CHRNA7: variants seen among roughly 807,000 people sequenced by gnomAD.
CHRNA7 encodes the protein neuronal acetylcholine receptor subunit alpha-7.
In CHRNA7, 17 loss-of-function variants were observed where a neutral mutation model predicts 48.0. The observed-to-expected ratio is 0.35, with a 90% confidence interval of 0.24 to 0.53. CHRNA7 has a LOEUF of 0.53. Among genes scored for constraint, CHRNA7 ranks in the 20% least tolerant of loss-of-function variants. The pLI is 0.92. For synonymous variants in CHRNA7, 75 were observed against 242.3 expected (o/e 0.31, Z 6.41); for missense variants, 155 against 577.7 (o/e 0.27, Z 7.50).
chr15:32,136,048 G>T (rs1316813074), intron 4 of CHRNA7, among the ~76,000 whole-genome samples: 1 of 152,194 alleles, frequency 6.6e-6, no homozygotes, highest in African/African-American at 2.4e-5. Flanking sequence ...AGTTTACCGT[G>T]CAGGGGCTGT....
chr15:32,127,433 G>A (rs1178835695), intron 4 of CHRNA7, among the ~76,000 whole-genome samples: 2 of 152,112 alleles, frequency 1.3e-5, no homozygotes, highest in East Asian at 1.9e-4. Flanking sequence ...AAGTGATCAA[G>A]TAATTCCGCA....
At chr15:32,099,580 T>C (rs1412882909) in intron 2 of CHRNA7, 1 of 152,226 alleles carries the variant, frequency 6.6e-6, no homozygotes, top group African/African-American at 2.4e-5. Context: ...AGCCTTTCTC[T>C]CAGCAGATGA....
chr15:32,078,531 A>G lies in CHRNA7; in HGVS notation c.196-22772A>G, dbSNP rs770555355. Among the ~76,000 whole-genome samples the G allele has an allele frequency of 5.2e-4, 79 of 152,222 alleles. 1 individual carries two copies. The highest frequency in any genetic ancestry group is 9.9e-4 in the Non-Finnish European group (67 of 68,012). On this transcript the variant is annotated intron_variant, in intron 2 of 9. Coordinates refer to ENST00000306901, the MANE Select transcript of CHRNA7 (RefSeq NM_000746.6). ...GTATTAAATTACTTTATTTAAAACT[A>G]GAAAACCTAGAAGAAATGGTTACAT...
At chr15:32,132,786 T>G (rs2051178742) in intron 4 of CHRNA7, among the ~76,000 whole-genome samples, 1 of 152,208 alleles carries the variant, frequency 6.6e-6, no homozygotes, top group Middle Eastern at 3.2e-3. Flanking sequence ...CAGCTCTTGC[T>G]TATCGTTTTT....
chr15:32,141,285 C>T (rs997179587), intron 4 of CHRNA7, among the ~76,000 whole-genome samples: 1 of 152,176 alleles, frequency 6.6e-6, no homozygotes, highest in African/African-American at 2.4e-5. Flanking sequence ...GTCTATATCT[C>T]TGTTTTGGTA....
At chr15:32,103,839 T>C (rs960107438) in intron 3 of CHRNA7, among the ~76,000 whole-genome samples, 2 of 152,212 alleles carry the variant, frequency 1.3e-5, no homozygotes, top group Non-Finnish European at 2.9e-5. Flanking sequence ...ACCAAAAACC[T>C]TGAAGTCACC....
intron 4 of CHRNA7, among the ~76,000 whole-genome samples, chr15:32,124,195 G>A (rs547983618): frequency 1.6e-4 from 24 of 152,106 alleles, no homozygotes; most frequent in African/African-American, 4.6e-4. Flanking sequence ...GAAAAGGATC[G>A]AAAAACCATG....
Position 32,108,747 on chromosome 15 carries a change from ATC to A in CHRNA7, c.241-3033_241-3032del, listed in dbSNP as rs370182023. Among the ~76,000 whole-genome samples the A allele has an allele frequency of 4.0e-3, 610 of 152,166 alleles. 1 individual carries two copies. The highest frequency in any genetic ancestry group is 0.01 in the African/African-American group (433 of 41,510). On this transcript the variant is annotated intron_variant, in intron 3 of 9. Transcript: ENST00000306901. ...CAGCAGGATTTTGTAAAATGGGGAAATCTCTCTCTCTTTTTTTAAGCCACCAT... is the reference window on the plus strand; with the variant it reads ...CAGCAGGATTTTGTAAAATGGGGAAATCTCTCTCTTTTTTTAAGCCACCAT...
chr15:32,031,952 G>T (rs1901863303), intron 2 of CHRNA7, among the ~76,000 whole-genome samples: 1 of 152,132 alleles, frequency 6.6e-6, no homozygotes, highest in Admixed American at 6.5e-5. Context: ...AGAGCATGAT[G>T]GGAAAGAGGT....
chr15:32,074,833 G>C (rs1490661973), intron 2 of CHRNA7, among the ~76,000 whole-genome samples: 1 of 151,894 alleles, frequency 6.6e-6, no homozygotes, highest in South Asian at 2.1e-4. Context: ...AGTTTCATTA[G>C]AGATGAGGTT....
intron 1 of CHRNA7, 26 bp from the exon 2 acceptor site, chr15:32,030,872 C>G (rs771083755): frequency 1.9e-6 from 3 of 1,611,002 alleles, no homozygotes; most frequent in Non-Finnish European, 2.5e-6. Context: ...GCCCTGAGCC[C>G]CCTGCCCGGG....
intron 2 of CHRNA7, among the ~76,000 whole-genome samples, chr15:32,082,248 T>C (rs2050228039): frequency 6.6e-6 from 1 of 152,176 alleles, no homozygotes; most frequent in South Asian, 2.1e-4. Context: ...CTGTGTCTTT[T>C]ATCAAATTTG....
At chr15:32,079,279 A>G (rs1374284276) in intron 2 of CHRNA7, among the ~76,000 whole-genome samples, 2 of 152,192 alleles carry the variant, frequency 1.3e-5, no homozygotes, top group Non-Finnish European at 2.9e-5. Context: ...CCCATTCAAC[A>G]TAGTATTGGA....
At chr15:32,055,721 T>C (rs1210887728) in intron 2 of CHRNA7, among the ~76,000 whole-genome samples, 1 of 152,194 alleles carries the variant, frequency 6.6e-6, no homozygotes, top group Non-Finnish European at 1.5e-5. Flanking sequence ...GGCTCATGCC[T>C]GTAATCCCAG....
At position 32,047,107 on chromosome 15, in the gene CHRNA7, T is replaced by C. The variant is rs897292294; in HGVS notation, c.195+16070T>C. Among the ~76,000 whole-genome samples, 6 of 144,922 alleles carry C rather than the reference T, an allele frequency of 4.1e-5. 1 individual carries two copies. Among genetic ancestry groups the C allele is most frequent in the Admixed American group, 3.5e-4 (5 of 14,474 alleles). On this transcript the variant is annotated intron_variant, in intron 2 of 9. Transcript: ENST00000306901. ...TATAGTTTGAAGTCAGGTAGCGTGA[T>C]GCCTCCAGCTTTGTTCTTTTGGCTT... is the stretch of plus-strand genomic sequence containing the variant.
At chr15:32,142,133 C>T (rs1481312170) in intron 4 of CHRNA7, among the ~76,000 whole-genome samples, 1 of 152,038 alleles carries the variant, frequency 6.6e-6, no homozygotes, top group Non-Finnish European at 1.5e-5. Flanking sequence ...GCATGAAGGG[C>T]TGTTGAATTT....
At chr15:32,110,050 C>T (rs1009789348) in intron 3 of CHRNA7, among the ~76,000 whole-genome samples, 3 of 152,116 alleles carry the variant, frequency 2.0e-5, no homozygotes, top group East Asian at 3.9e-4. Flanking sequence ...CAGGGCAGTT[C>T]GTGGAATCTT....
At chr15:32,046,619 T>A (rs1369206221) in intron 2 of CHRNA7, among the ~76,000 whole-genome samples, 1 of 152,186 alleles carries the variant, frequency 6.6e-6, no homozygotes, top group Non-Finnish European at 1.5e-5. Context: ...TTTTGTGGGT[T>A]GCCTGTTCAC....
At chr15:32,153,296 C>T (rs1020015140) in intron 4 of CHRNA7, 2 of 151,112 alleles carry the variant, frequency 1.3e-5, no homozygotes, top group African/African-American at 4.9e-5. Flanking sequence ...GTGGTGTGCA[C>T]CTGTAGTCCC....
Sources: allele counts gnomAD v4.1 joint callset (sites outside exome capture counted in the v4.1 genomes callset), GRCh38; gene constraint gnomAD v4.1.1; transcripts MANE v1.5; gene names NCBI Gene and HGNC (gene_info 2026-07-23, HGNC 2026-07-21).